Variants in RYR2 observed in about 807,000 individuals in gnomAD.
RYR2 encodes the protein ryanodine receptor 2.
In RYR2, 227 loss-of-function variants were observed where a neutral mutation model predicts 601.1. That is an observed-to-expected ratio of 0.38 (90% CI 0.34 to 0.42). The LOEUF is 0.42. RYR2 is among the 10% of genes least tolerant of loss of function. RYR2 has a pLI of 1.00. For missense variants in RYR2, 4,646 were observed against 6,156.5 expected, an observed-to-expected ratio of 0.75 and a Z score of 8.21; for synonymous variants, 2,223 against 2,175.1, an observed-to-expected ratio of 1.02 and a Z score of -0.61.
At chr1:237,792,436 G>T (rs1053739980) in intron 94 of RYR2, 113 bp downstream of exon 94, 86 of 597,344 alleles carry the variant, frequency 1.4e-4, no homozygotes, top group Admixed American at 8.6e-4. Context: ...TTGCAGGCTG[G>T]ACTTCTGGGG....
chr1:237,692,201 T>C (rs906884542), intron 63 of RYR2, among the ~76,000 whole-genome samples: 10 of 152,232 alleles, frequency 6.6e-5, no homozygotes, highest in African/African-American at 2.4e-4. Flanking sequence ...ATGCATTCAT[T>C]CAATAAACAT....
intron 63 of RYR2, among the ~76,000 whole-genome samples, chr1:237,695,342 A>G (rs955366250): frequency 2.6e-5 from 4 of 152,180 alleles, no homozygotes; most frequent in African/African-American, 9.7e-5. Flanking sequence ...GCACTGATAT[A>G]AATACACAAT....
At chr1:237,397,150 A>G (rs755515488) in intron 10 of RYR2, among the ~76,000 whole-genome samples, 3 of 152,088 alleles carry the variant, frequency 2.0e-5, no homozygotes, top group Non-Finnish European at 4.4e-5. Flanking sequence ...AGACAGGAGA[A>G]TCGCTTGAAC....
At chr1:237,225,887 TCTA>T (rs1296860936) in intron 1 of RYR2, among the ~76,000 whole-genome samples, 2 of 152,114 alleles carry the variant, frequency 1.3e-5, no homozygotes, top group Non-Finnish European at 2.9e-5. Context: ...AAACCCTGTC[TCTA>T]CTAGAAATAC....
At chr1:237,356,425 AGAACCTTTTTTTTTTTTTG>A (rs1699299449) in intron 4 of RYR2, among the ~76,000 whole-genome samples, 1 of 143,772 alleles carries the variant, frequency 7.0e-6, no homozygotes, top group Admixed American at 6.9e-5. Context: ...AGAAAGTCAT[AGAACCTTTTTTTTTTTTTG>A]GTATAGATGG....
chr1:237,524,257 C>G (rs920916113), intron 24 of RYR2, among the ~76,000 whole-genome samples: 1 of 152,222 alleles, frequency 6.6e-6, no homozygotes, highest in African/African-American at 2.4e-5. Context: ...CAGACTCCAA[C>G]ATGGATCAAC....
intron 93 of RYR2, chr1:237,791,836 T>C (rs191641663): frequency 1.9e-4 from 108 of 571,630 alleles, no homozygotes; most frequent in African/African-American, 1.9e-3. Flanking sequence ...TCTTTTGTAA[T>C]TGAGAAGAGA....
At chr1:237,090,177 A>C (rs1251643340) in intron 1 of RYR2, among the ~76,000 whole-genome samples, 4 of 152,130 alleles carry the variant, frequency 2.6e-5, no homozygotes, top group Non-Finnish European at 5.9e-5. Context: ...GATCCCTCCC[A>C]TGCTATGTGG....
intron 17 of RYR2, among the ~76,000 whole-genome samples, chr1:237,481,723 T>G (rs1217227692): frequency 6.7e-6 from 1 of 148,246 alleles, no homozygotes; most frequent in Non-Finnish European, 1.5e-5. Context: ...TACAGAACCC[T>G]CTCAGATGCA....
At chr1:237,550,430 T>C (rs1670271340) in intron 26 of RYR2, 114 bp from the exon 27 acceptor site, 1 of 1,193,676 alleles carries the variant, frequency 8.4e-7, no homozygotes, top group South Asian at 1.5e-5. Flanking sequence ...ACGCATGGAT[T>C]GTGGAAGGGT....
intron 88 of RYR2, among the ~76,000 whole-genome samples, chr1:237,779,142 A>G (rs1258287768): frequency 6.6e-6 from 1 of 152,192 alleles, no homozygotes; most frequent in Admixed American, 6.6e-5. Flanking sequence ...AGGTTTTATA[A>G]TCTGTTACAA....
chr1:237,461,144 A>C (rs530528056), intron 16 of RYR2, among the ~76,000 whole-genome samples: 61 of 152,342 alleles, frequency 4.0e-4, no homozygotes, highest in African/African-American at 1.4e-3. Flanking sequence ...AATGGCAGGA[A>C]CAAAGTTTGC....
chr1:237,369,289 T>C (rs1655633306), intron 5 of RYR2, among the ~76,000 whole-genome samples: 3 of 152,150 alleles, frequency 2.0e-5, no homozygotes, highest in Admixed American at 2.0e-4. Context: ...ATTATGATAA[T>C]TATTTACTGA....
intron 56 of RYR2, among the ~76,000 whole-genome samples, chr1:237,664,204 T>C (rs1571980): frequency 0.021 from 3,220 of 152,324 alleles, 173 homozygotes; most frequent in East Asian, 0.19. Flanking sequence ...ATGAAACTTT[T>C]GGAATGTGTT....
intron 1 of RYR2, among the ~76,000 whole-genome samples, chr1:237,136,396 G>T (rs930921522): frequency 4.6e-5 from 7 of 152,130 alleles, no homozygotes; most frequent in African/African-American, 1.7e-4. Flanking sequence ...TATATAAGAG[G>T]TATGCATGCT....
rs149209673 is a variant in RYR2 at position 237,724,704 on chromosome 1, T to C, written c.10689+1442T>C. Reference sequence around the variant, plus strand: ...TGATTTATATAAAGTCATAGAGTTTTATCTCCAGAATTATATATATATATG... The same window carrying C: ...TGATTTATATAAAGTCATAGAGTTTCATCTCCAGAATTATATATATATATG... On this transcript the variant is annotated intron_variant, in intron 74 of 104. Coordinates refer to ENST00000366574, the MANE Select transcript of RYR2 (RefSeq NM_001035.3). Among the ~76,000 whole-genome samples the C allele has an allele frequency of 1.1e-3, 168 of 152,076 alleles. 1 individual carries two copies. The East Asian group carries it at 0.021, about 19-fold the overall frequency.
chr1:237,102,117 T>A (rs1668165435), intron 1 of RYR2, among the ~76,000 whole-genome samples: 1 of 152,074 alleles, frequency 6.6e-6, no homozygotes, highest in Admixed American at 6.6e-5. Flanking sequence ...TTTGGTGGTG[T>A]GTGAAGGCTT....
chr1:237,356,675 A>T (rs12026757), intron 4 of RYR2, among the ~76,000 whole-genome samples: 1 of 151,954 alleles, frequency 6.6e-6, no homozygotes, highest in East Asian at 1.9e-4. Context: ...AAAAAGTTAC[A>T]TTGCTTCTTT....
intron 53 of RYR2, among the ~76,000 whole-genome samples, 167 bp from the exon 54 acceptor site, chr1:237,657,777 C>T (rs1468049908): frequency 6.6e-6 from 1 of 151,678 alleles, no homozygotes; most frequent in Non-Finnish European, 1.5e-5. Flanking sequence ...CTTGACTTTT[C>T]TTATATTGTT....
Sources: gnomAD v4.1 joint callset for allele counts (sites outside exome capture counted in the v4.1 genomes callset) on GRCh38, gnomAD v4.1.1 for gene constraint, MANE v1.5 for transcripts, NCBI Gene and HGNC (gene_info 2026-07-23, HGNC 2026-07-21) for gene names.